ZNF273: variants seen among roughly 807,000 people sequenced by gnomAD.
The protein encoded by ZNF273 is zinc finger protein 273.
ZNF273 carries 11 observed loss-of-function variants against 14.9 expected under a neutral mutation model. The ratio of observed to expected loss-of-function variants is 0.74; its 90% CI spans 0.46 to 1.22. ZNF273 has a LOEUF of 1.22. Ranked by LOEUF, ZNF273 falls within the 50% of genes most tolerant of loss-of-function variation. The probability of loss-of-function intolerance (pLI) is 0.00; values close to 1 mark genes in which losing one functional copy is unlikely to be tolerated. For missense variants in ZNF273, 577 were observed against 660.6 expected (o/e 0.87, Z 1.39); for synonymous variants, 199 against 223.9 (o/e 0.89, Z 0.99).
At chr7:64,894,219 G>A (rs1017441824), downstream of ZNF273, among the ~76,000 whole-genome samples, 1 of 152,168 alleles carries the variant, frequency 6.6e-6, no homozygotes, top group Admixed American at 6.5e-5. Flanking sequence ...TTGCCAGGCT[G>A]GTCTCACACT....
intron 2 of ZNF273, among the ~76,000 whole-genome samples, chr7:64,879,061 G>C (rs1213489461): frequency 6.6e-6 from 1 of 152,232 alleles, no homozygotes; most frequent in Admixed American, 6.5e-5. Flanking sequence ...ATAAGAAGCA[G>C]GCAGCCATGT....
chr7:64,921,552 T>C (rs1794446713), intron 3 of ZNF273, among the ~76,000 whole-genome samples: 1 of 150,456 alleles, frequency 6.6e-6, no homozygotes, highest in African/African-American at 2.5e-5. Flanking sequence ...GGATTCCTGG[T>C]AAATTGACCT....
At chr7:64,887,310 C>A (rs1300705585) in intron 1 of ZNF273, among the ~76,000 whole-genome samples, 1 of 152,126 alleles carries the variant, frequency 6.6e-6, no homozygotes, top group Non-Finnish European at 1.5e-5. Context: ...CCAGCCCCTG[C>A]AATTGCCCTT....
chr7:64,926,138 C>T (rs1350448993), intron 3 of ZNF273, among the ~76,000 whole-genome samples: 2 of 145,680 alleles, frequency 1.4e-5, no homozygotes, highest in African/African-American at 5.0e-5. Context: ...TGGTATTATT[C>T]TCACTTGGCA....
chr7:64,906,202 G>A (rs1793099235), intron 1 of ZNF273, among the ~76,000 whole-genome samples: 1 of 152,102 alleles, frequency 6.6e-6, no homozygotes, highest in South Asian at 2.1e-4. Context: ...GAAAACATCA[G>A]TTCCTCTTTA....
Position 64,915,300 on chromosome 7 carries a change from G to T in ZNF273, c.103-2281G>T, listed in dbSNP as rs552121190. ...TCGGTCAGGGAGAACCTAACCCAGC[G>T]GCGCTAGAGGAATTAAAGACACACA... On this transcript the variant is annotated intron_variant, in intron 1 of 3. Coordinates refer to ENST00000476120, the MANE Select transcript of ZNF273 (RefSeq NM_021148.3). 1.3e-4 allele frequency among the ~76,000 whole-genome samples: 20 copies of T among 151,254 alleles called. No homozygotes were observed. The East Asian group carries it at 2.9e-3, about 22-fold the overall frequency.
rs542366061 is a variant in ZNF273 at position 64,904,181 on chromosome 7, CG to C, written c.102+765del. On this transcript the variant is annotated intron_variant, in intron 1 of 3. Coordinates refer to ENST00000476120, the MANE Select transcript of ZNF273 (RefSeq NM_021148.3). ...TCGGCTCACTGCAACCAACGCCTCC[CG>C]GGTTCATGCAATTCTCCTGCTTCAG... 1.2e-3 allele frequency among the ~76,000 whole-genome samples: 179 copies of C among 152,262 alleles called. 1 individual carries two copies. Among genetic ancestry groups the C allele is most frequent in the Non-Finnish European group, 2.0e-3 (134 of 68,016 alleles).
downstream of ZNF273, among the ~76,000 whole-genome samples, chr7:64,935,956 TA>T (rs1795055955): frequency 6.6e-6 from 1 of 152,208 alleles, no homozygotes; most frequent in African/African-American, 2.4e-5. Context: ...ACCAGATTAC[TA>T]AAAAGAAGCA....
At chr7:64,888,221 C>CTGT (rs1006839448) in intron 1 of ZNF273, 21 of 881,826 alleles carry the variant, frequency 2.4e-5, no homozygotes, top group African/African-American at 5.4e-5. Context: ...GCTGCTGCTG[C>CTGT]TGCCCCACCC....
intron 3 of ZNF273, among the ~76,000 whole-genome samples, 167 bp from the exon 4 acceptor site, chr7:64,927,487 G>T (rs1161821221): frequency 6.6e-6 from 1 of 152,066 alleles, no homozygotes; most frequent in Non-Finnish European, 1.5e-5. Context: ...ATGTATCTTG[G>T]TCAGTATGTT....
chr7:64,903,404 T>C lies in ZNF273; in HGVS notation c.87T>C (p.Pro29=), dbSNP rs1792867872. The part of the protein sequence containing the change: ...GRSTAKTPGL[P]GSLEMGPLTF... ...CCACAGCTAAGACGCCAGGACTCCCTGGAAGCCTAGAAATGGTGAGAGTGC... is the reference window on the plus strand; with the variant it reads ...CCACAGCTAAGACGCCAGGACTCCCCGGAAGCCTAGAAATGGTGAGAGTGC... The change falls in exon 1 of 4, where the codon CCT becomes CCC. Residue 29 remains proline (P), a synonymous_variant. Transcript: ENST00000476120. 2 of 1,612,922 alleles carry C rather than the reference T, an allele frequency of 1.2e-6. No homozygotes were observed. Among genetic ancestry groups the C allele is most frequent in the African/African-American group, 2.7e-5 (2 of 74,992 alleles).
At chr7:64,889,318 G>C, downstream of ZNF273, 16 of 962,126 alleles carry the variant, frequency 1.7e-5, no homozygotes, top group Non-Finnish European at 2.0e-5. The surrounding 1 kb of genome is among the most constrained non-coding windows in gnomAD (Gnocchi z 4.2). Context: ...TGCCTGAGCC[G>C]TACCCACCGC....
chr7:64,912,189 T>A (rs1405000303), intron 1 of ZNF273, among the ~76,000 whole-genome samples: 2 of 152,050 alleles, frequency 1.3e-5, no homozygotes, highest in Non-Finnish European at 2.9e-5. Flanking sequence ...CTTGAACAGA[T>A]CTGAGGTGAT....
chr7:64,912,467 C>A lies in ZNF273; in HGVS notation c.103-5114C>A, dbSNP rs115047323. Among the ~76,000 whole-genome samples, 714 of 152,224 alleles carry A rather than the reference C, an allele frequency of 4.7e-3. 7 individuals carry two copies. The highest frequency in any genetic ancestry group is 0.016 in the African/African-American group (667 of 41,534). The stretch of plus-strand genomic sequence containing the variant: ...TAAGAACTTGCTTTATTCATGTGCA[C>A]TCATGAATAACACCTCTTTTCTTCT... On this transcript the variant is annotated intron_variant, in intron 1 of 3. Transcript: ENST00000476120.
At chr7:64,885,149 G>T (rs907769894) in intron 1 of ZNF273, among the ~76,000 whole-genome samples, 5 of 152,212 alleles carry the variant, frequency 3.3e-5, no homozygotes, top group African/African-American at 1.2e-4. Context: ...TTGGACTCTT[G>T]CTCCTCTTCT....
Position 64,912,826 on chromosome 7 carries a change from G to GTTTTTTGTTGTTGTTGTT in ZNF273, c.103-4749_103-4748insGTTGTTGTTGTTTTTTTT. 1.0e-3 allele frequency among the ~76,000 whole-genome samples: 38 copies of GTTTTTTGTTGTTGTTGTT among 36,572 alleles called. 5 individuals carry two copies. The highest frequency in any genetic ancestry group is 6.2e-3 in the East Asian group (10 of 1,618). 24.0% of individuals were successfully genotyped at this position (36,572 alleles called of 152,430 possible). ...TCTTTTTGACTCAGGATTCATTTTA[G>GTTTTTTGTTGTTGTTGTT]TTTTTTTTTTTTTTTTTTTTGAGAT... is the stretch of plus-strand genomic sequence containing the variant. On this transcript the variant is annotated intron_variant, in intron 1 of 3. Coordinates refer to ENST00000476120, the MANE Select transcript of ZNF273 (RefSeq NM_021148.3).
At chr7:64,925,585 G>A (rs1024139683) in intron 3 of ZNF273, among the ~76,000 whole-genome samples, 5 of 151,748 alleles carry the variant, frequency 3.3e-5, no homozygotes, top group Non-Finnish European at 7.4e-5. Flanking sequence ...CTACAGGCGC[G>A]CGCCACCATG....
downstream of ZNF273, chr7:64,889,553 C>T: frequency 1.0e-6 from 1 of 985,790 alleles, no homozygotes; most frequent in Non-Finnish European, 1.2e-6. This position sits in a 1 kb window ranked among gnomAD's most constrained non-coding sequence, Gnocchi z 4.2. Flanking sequence ...TCTACGGTCT[C>T]CTCTGACCTG....
At chr7:64,914,814 C>T (rs1253399774) in intron 1 of ZNF273, among the ~76,000 whole-genome samples, 3 of 148,506 alleles carry the variant, frequency 2.0e-5, no homozygotes, top group East Asian at 2.0e-4. Flanking sequence ...GATAAGCAGG[C>T]GGTGCTGACA....
Sources: gnomAD v4.1 joint callset for allele counts (sites outside exome capture counted in the v4.1 genomes callset) on GRCh38, gnomAD v4.1.1 for gene constraint, Gnocchi (gnomAD v3.1) non-coding constraint, MANE v1.5 for transcripts, NCBI Gene and HGNC (gene_info 2026-07-23, HGNC 2026-07-21) for gene names.